The following RIT2 variants were observed in gnomAD, a reference collection of about 807,000 sequenced individuals.
The protein encoded by RIT2 is Ras like without CAAX 2.
In RIT2, 24 loss-of-function variants were observed where a neutral mutation model predicts 23.7. The ratio of observed to expected loss-of-function variants is 1.01; its 90% CI spans 0.73 to 1.43. RIT2 has a LOEUF of 1.43. RIT2 is among the 40% of genes most tolerant of loss of function. The pLI, the probability that RIT2 is intolerant of heterozygous loss-of-function variation, is 0.00. For missense variants in RIT2, 236 were observed against 266.9 expected, an observed-to-expected ratio of 0.88 and a Z score of 0.81; for synonymous variants, 107 against 91.1, an observed-to-expected ratio of 1.17 and a Z score of -0.99.
intron 2 of RIT2, among the ~76,000 whole-genome samples, chr18:42,984,607 AC>A (rs1321967273): frequency 8.5e-4 from 129 of 152,054 alleles, no homozygotes; most frequent in Middle Eastern, 3.2e-3. Flanking sequence ...CATTTATTAT[AC>A]TTTTTTGGCT....
At chr18:42,930,816 T>C (rs565298144) in intron 3 of RIT2, among the ~76,000 whole-genome samples, 1 of 152,252 alleles carries the variant, frequency 6.6e-6, no homozygotes, top group South Asian at 2.1e-4. Flanking sequence ...TGACTGAATA[T>C]GTGAGTTGGA....
At chr18:42,850,955 G>A (rs79223283) in intron 4 of RIT2, among the ~76,000 whole-genome samples, 1,770 of 152,224 alleles carry the variant, frequency 0.012, 37 homozygotes, top group African/African-American at 0.04. Context: ...ATTCCCAGAG[G>A]CCGGGAACCA....
intron 3 of RIT2, among the ~76,000 whole-genome samples, chr18:42,960,237 C>A (rs767581159): frequency 1.3e-5 from 2 of 152,190 alleles, no homozygotes; most frequent in African/African-American, 2.4e-5. Context: ...AAAACCTCTA[C>A]AGAGCATGTA....
At chr18:42,960,384 A>C (rs1297084601) in intron 3 of RIT2, among the ~76,000 whole-genome samples, 1 of 152,128 alleles carries the variant, frequency 6.6e-6, no homozygotes, top group African/African-American at 2.4e-5. Flanking sequence ...GCACGATCTC[A>C]GCTCACCGCA....
At chr18:42,974,383 C>T (rs576205343) in intron 2 of RIT2, among the ~76,000 whole-genome samples, 46 of 152,020 alleles carry the variant, frequency 3.0e-4, no homozygotes, top group African/African-American at 8.7e-4. Context: ...CGATCTGAGG[C>T]GCCCTAGTGA....
At chr18:42,744,757 T>C (rs1366634768) in intron 4 of RIT2, among the ~76,000 whole-genome samples, 1 of 152,154 alleles carries the variant, frequency 6.6e-6, no homozygotes, top group Non-Finnish European at 1.5e-5. Context: ...GATGGAGTTG[T>C]CATAAAATTA....
chr18:42,916,349 T>C (rs1323423999), intron 4 of RIT2, among the ~76,000 whole-genome samples: 1 of 152,102 alleles, frequency 6.6e-6, no homozygotes, highest in African/African-American at 2.4e-5. Flanking sequence ...CTGTTGTCTA[T>C]CTCCAGATTA....
At chr18:42,941,807 G>C (rs1909606474) in intron 3 of RIT2, among the ~76,000 whole-genome samples, 1 of 152,080 alleles carries the variant, frequency 6.6e-6, no homozygotes, top group African/African-American at 2.4e-5. Context: ...TATTTAATAT[G>C]TATGTTTTAT....
intron 4 of RIT2, among the ~76,000 whole-genome samples, chr18:42,748,716 A>T (rs983024863): frequency 5.3e-5 from 8 of 151,974 alleles, no homozygotes; most frequent in African/African-American, 1.9e-4. Flanking sequence ...CTAAGATATG[A>T]TAATGTAAAG....
intron 4 of RIT2, among the ~76,000 whole-genome samples, chr18:42,779,166 A>G (rs1419113524): frequency 6.6e-6 from 1 of 152,176 alleles, no homozygotes; most frequent in South Asian, 2.1e-4. Context: ...CTTCCTGCCT[A>G]GAGACCCCTG....
chr18:42,755,203 T>G (rs1215215492), intron 4 of RIT2, among the ~76,000 whole-genome samples: 1 of 152,132 alleles, frequency 6.6e-6, no homozygotes, highest in Non-Finnish European at 1.5e-5. Flanking sequence ...CACATTTTAG[T>G]CCTGTTTATA....
intron 4 of RIT2, among the ~76,000 whole-genome samples, chr18:42,824,555 A>T (rs948063986): frequency 6.6e-5 from 10 of 152,080 alleles, no homozygotes; most frequent in Non-Finnish European, 1.2e-4. Flanking sequence ...TAATCTAAGT[A>T]TTAAGCTGAA....
chr18:43,066,401 C>G (rs546656231), intron 1 of RIT2, among the ~76,000 whole-genome samples: 11 of 152,276 alleles, frequency 7.2e-5, no homozygotes, highest in Admixed American at 1.3e-4. Flanking sequence ...TAGGCAATTG[C>G]ACACCATTAA....
chr18:42,917,361 G>T (rs1019053504), intron 4 of RIT2, among the ~76,000 whole-genome samples: 1 of 152,272 alleles, frequency 6.6e-6, no homozygotes, highest in African/African-American at 2.4e-5. Context: ...TGATAATGCA[G>T]TAATGACCTC....
intron 1 of RIT2, among the ~76,000 whole-genome samples, chr18:43,060,028 T>C (rs1342378743): frequency 6.6e-6 from 1 of 152,136 alleles, no homozygotes; most frequent in Non-Finnish European, 1.5e-5. Context: ...GCACAGTCTT[T>C]ATTCCGTTTG....
chr18:42,967,031 T>C (rs764007200), intron 3 of RIT2, among the ~76,000 whole-genome samples: 9 of 152,026 alleles, frequency 5.9e-5, no homozygotes, highest in Non-Finnish European at 8.8e-5. Context: ...CCTTTCCCAA[T>C]TGATCAATAT....
chr18:43,010,485 T>C (rs1266965214), intron 2 of RIT2, among the ~76,000 whole-genome samples: 1 of 151,858 alleles, frequency 6.6e-6, no homozygotes, highest in Non-Finnish European at 1.5e-5. Context: ...TTTCAATTCA[T>C]GCATAATCTA....
At chr18:42,823,574 T>C (rs1906209256) in intron 4 of RIT2, among the ~76,000 whole-genome samples, 1 of 152,194 alleles carries the variant, frequency 6.6e-6, no homozygotes, top group Admixed American at 6.6e-5. Flanking sequence ...TTTTAAGTTC[T>C]GCCTAATATG....
intron 1 of RIT2, among the ~76,000 whole-genome samples, chr18:43,096,093 T>G (rs1913545997): frequency 6.6e-6 from 1 of 151,864 alleles, no homozygotes; most frequent in Non-Finnish European, 1.5e-5. Flanking sequence ...TATTTCACAT[T>G]GGAGTAGAAA....
Sources: gnomAD v4.1 joint callset for allele counts (sites outside exome capture counted in the v4.1 genomes callset) on GRCh38, gnomAD v4.1.1 for gene constraint, MANE v1.5 for transcripts, NCBI Gene and HGNC (gene_info 2026-07-23, HGNC 2026-07-21) for gene names.